Variants in PRMT8 observed in about 807,000 individuals in gnomAD.
PRMT8 encodes protein arginine methyltransferase 8, also known as protein arginine N-methyltransferase 8.
A neutral mutation model predicts 47.1 loss-of-function variants in PRMT8; 7 were observed. That is an observed-to-expected ratio of 0.15 (90% CI 0.08 to 0.28). The LOEUF (loss-of-function observed/expected upper bound fraction) is 0.28. Ranked by LOEUF, PRMT8 falls within the 10% of genes least tolerant of loss-of-function variation. PRMT8 has a pLI of 1.00. For synonymous variants in PRMT8, 188 were observed against 186.5 expected (o/e 1.01, Z -0.07); for missense variants, 237 against 505.4 (o/e 0.47, Z 5.09).
chr12:3,492,436 G>C lies in PRMT8; in HGVS notation c.75+736G>C, dbSNP rs1305055854. 6.6e-6 allele frequency among the ~76,000 whole-genome samples: 1 copy of C among 152,194 alleles called. No individual in the cohort carries two copies. The highest frequency in any genetic ancestry group is 2.4e-5 in the African/African-American group (1 of 41,466). On this transcript the variant is annotated intron_variant, in intron 1 of 9. Coordinates refer to ENST00000382622, the MANE Select transcript of PRMT8 (RefSeq NM_019854.5). This position sits in a 1 kb window ranked among gnomAD's most constrained non-coding sequence, Gnocchi z 7.5. ...CGAGCCTGCGCGGACTGTGGGGGCT[G>C]CGCGCCGCCGGCTGCAGTGAGAAAT...
At position 3,456,324 on chromosome 12, in the gene PRMT8, C is replaced by A. The variant is rs189931677; in HGVS notation, c.48+74882C>A. ...GGGGTGGTTCATTTACAAAGTGGAG[C>A]TATTAAATAAATGTTCACGACATTT... is the stretch of plus-strand genomic sequence containing the variant. On this transcript the variant is annotated intron_variant, in intron 1 of 9. Coordinates refer to the PRMT8 transcript ENST00000452611. The surrounding 1 kb of genome is among the most constrained non-coding windows in gnomAD (Gnocchi z 4.2). 9.0e-4 allele frequency among the ~76,000 whole-genome samples: 137 copies of A among 152,300 alleles called. No homozygotes were observed. The highest frequency in any genetic ancestry group is 9.8e-4 in the Admixed American group (15 of 15,294).
At chr12:3,397,741 A>G (rs1275088616) in intron 1 of PRMT8, among the ~76,000 whole-genome samples, 3 of 152,028 alleles carry the variant, frequency 2.0e-5, no homozygotes, top group African/African-American at 7.3e-5. Flanking sequence ...GGCTCCCCCC[A>G]GTTCGTGCTT....
At position 3,535,481 on chromosome 12, in the gene PRMT8, G is replaced by A. The variant is rs12581198; in HGVS notation, c.76-5125G>A. ...CCATATCAGGGAGGCAGACAACATCGGGAGACCTCCAGCAAGTAACAGGGC... is the reference window on the plus strand; with the variant it reads ...CCATATCAGGGAGGCAGACAACATCAGGAGACCTCCAGCAAGTAACAGGGC... On this transcript the variant is annotated intron_variant, in intron 1 of 9. Transcript: ENST00000382622. The surrounding 1 kb of genome is among the most constrained non-coding windows in gnomAD (Gnocchi z 4.7). Among the ~76,000 whole-genome samples, 31,659 of 152,118 alleles carry A rather than the reference G, an allele frequency of 0.21. 3,735 individuals are homozygous for A. The highest frequency in any genetic ancestry group is 0.46 in the East Asian group (2,353 of 5,154).
intron 1 of PRMT8, among the ~76,000 whole-genome samples, chr12:3,397,792 G>T (rs11830317): frequency 0.3 from 45,287 of 151,702 alleles, 7,872 homozygotes; most frequent in African/African-American, 0.48. Flanking sequence ...GGGCAATGGC[G>T]GGCGCCCCTC....
intron 1 of PRMT8, among the ~76,000 whole-genome samples, chr12:3,406,765 C>A (rs1375167160): frequency 6.6e-6 from 1 of 152,188 alleles, no homozygotes; most frequent in Non-Finnish European, 1.5e-5. Flanking sequence ...TCCAAACTTT[C>A]CTACATCTTT....
chr12:3,505,535 T>C (rs1865609644), intron 1 of PRMT8, among the ~76,000 whole-genome samples: 1 of 152,222 alleles, frequency 6.6e-6, no homozygotes, highest in Non-Finnish European at 1.5e-5. Flanking sequence ...AGCATACATA[T>C]TATGGGTTGG....
At chr12:3,408,364 G>A (rs1449644461) in intron 1 of PRMT8, among the ~76,000 whole-genome samples, 1 of 151,930 alleles carries the variant, frequency 6.6e-6, no homozygotes, top group African/African-American at 2.4e-5. Flanking sequence ...CTCTCAAGTA[G>A]CTAGGACTAC....
rs964077633 is a variant in PRMT8, at chr12:3,417,176, C to T, written c.48+35734C>T. Among the ~76,000 whole-genome samples the T allele has an allele frequency of 7.9e-5, 12 of 152,210 alleles. No homozygotes were observed. In the South Asian group the frequency reaches 8.3e-4, roughly 11 times the overall value. On this transcript the variant is annotated intron_variant, in intron 1 of 9. Transcript: ENST00000452611. ...ATGTTTGAATGAGAAATGTGGAGTT[C>T]GTAAATTTTGGAGTCTCTTGTTGCC... is the stretch of plus-strand genomic sequence containing the variant.
intron 1 of PRMT8, among the ~76,000 whole-genome samples, chr12:3,408,736 A>C (rs1168649766): frequency 1.3e-5 from 2 of 152,106 alleles, no homozygotes; most frequent in Non-Finnish European, 2.9e-5. Context: ...GGAAAGACTC[A>C]CCTGCAGAGG....
chr12:3,420,191 C>A (rs1864526736), intron 1 of PRMT8, among the ~76,000 whole-genome samples: 1 of 152,096 alleles, frequency 6.6e-6, no homozygotes, highest in South Asian at 2.1e-4. Context: ...TGCAAGGCGG[C>A]AGACTCAAAA....
At chr12:3,486,776 T>C (rs1326486678), upstream of PRMT8, among the ~76,000 whole-genome samples, 1 of 152,232 alleles carries the variant, frequency 6.6e-6, no homozygotes, top group East Asian at 1.9e-4. Flanking sequence ...AGAAGTATTA[T>C]ACTAAGAAAA....
chr12:3,445,192 C>T (rs1323449588), intron 1 of PRMT8, among the ~76,000 whole-genome samples: 1 of 152,150 alleles, frequency 6.6e-6, no homozygotes, highest in Non-Finnish European at 1.5e-5. Flanking sequence ...TCCTCATTGT[C>T]GTCACTATTT....
At chr12:3,451,752 T>G (rs1276855900) in intron 1 of PRMT8, among the ~76,000 whole-genome samples, 1 of 152,176 alleles carries the variant, frequency 6.6e-6, no homozygotes, top group Non-Finnish European at 1.5e-5. Context: ...TCCACCTACA[T>G]GTTGATTCAC....
intron 4 of PRMT8, among the ~76,000 whole-genome samples, chr12:3,565,085 G>A (rs966532994): frequency 3.3e-5 from 5 of 152,196 alleles, no homozygotes; most frequent in African/African-American, 9.6e-5. Flanking sequence ...AAGGACCCAG[G>A]AAGTGTTGAA....
intron 1 of PRMT8, among the ~76,000 whole-genome samples, chr12:3,506,219 A>G (rs997589113): frequency 2.0e-5 from 3 of 152,212 alleles, no homozygotes; most frequent in Admixed American, 1.3e-4. Context: ...GCATTATCCC[A>G]TAGGGTTATC....
chr12:3,461,736 T>C (rs1865044035), intron 1 of PRMT8, among the ~76,000 whole-genome samples: 1 of 150,270 alleles, frequency 6.7e-6, no homozygotes, highest in African/African-American at 2.5e-5. Context: ...TGCTCAGTGT[T>C]AACCTAAAAG....
At chr12:3,441,110 A>ATG (rs201637131) in intron 1 of PRMT8, among the ~76,000 whole-genome samples, 104,100 of 151,594 alleles carry the variant, frequency 0.69, 39,892 homozygotes, top group East Asian at 0.93. Context: ...ATCTCAAAGT[A>ATG]TAACTCCAGC....
intron 1 of PRMT8, among the ~76,000 whole-genome samples, chr12:3,429,030 A>G (rs950493260): frequency 6.8e-6 from 1 of 147,008 alleles, no homozygotes; most frequent in African/African-American, 2.5e-5. Flanking sequence ...CTCTCTCTCT[A>G]TCTCTCTTTC....
chr12:3,432,153 C>CTG (rs1864687884), intron 1 of PRMT8, among the ~76,000 whole-genome samples: 1 of 152,192 alleles, frequency 6.6e-6, no homozygotes, highest in Non-Finnish European at 1.5e-5. Flanking sequence ...GGGGTTTGGG[C>CTG]AGAGGCCTGG....
Sources: allele counts gnomAD v4.1 joint callset (sites outside exome capture counted in the v4.1 genomes callset), GRCh38; gene constraint gnomAD v4.1.1; non-coding constraint Gnocchi (gnomAD v3.1); transcripts MANE v1.5; gene names NCBI Gene and HGNC (gene_info 2026-07-23, HGNC 2026-07-21).